The following LHFPL1 variants were observed in gnomAD, a reference collection of about 807,000 sequenced individuals.
LHFPL1 encodes the protein LHFPL tetraspan subfamily member 1, also known as LHFPL tetraspan subfamily member 1 protein.
Under a neutral mutation model 12.1 loss-of-function variants are expected in LHFPL1, and 4 were observed. That is an observed-to-expected ratio of 0.33 (90% CI 0.16 to 0.76). LHFPL1 has a LOEUF of 0.76. LHFPL1 is among the 30% of genes least tolerant of loss of function. The pLI is 0.61. For missense variants in LHFPL1, 141 were observed against 174.1 expected (o/e 0.81, Z 1.07); for synonymous variants, 52 against 61.9 (o/e 0.84, Z 0.75).
intron 3 of LHFPL1, among the ~76,000 whole-genome samples, chrX:112,635,423 A>T (rs1930310968): frequency 8.9e-6 from 1 of 112,273 alleles, no homozygotes; most frequent in South Asian, 3.7e-4. Flanking sequence ...ATGATTATCC[A>T]TTTCAACCAT....
intron 3 of LHFPL1, among the ~76,000 whole-genome samples, chrX:112,650,387 A>C (rs933483184): frequency 4.6e-4 from 51 of 111,151 alleles, no homozygotes; most frequent in Admixed American, 1.2e-3. Flanking sequence ...ATTGCTTGAA[A>C]GAACTATCTA....
At chrX:112,641,841 T>G (rs1930518696) in intron 3 of LHFPL1, among the ~76,000 whole-genome samples, 2 of 111,844 alleles carry the variant, frequency 1.8e-5, no homozygotes, top group South Asian at 7.6e-4. Context: ...GGGGAACCAC[T>G]GGATAGGACC....
intron 3 of LHFPL1, among the ~76,000 whole-genome samples, chrX:112,638,723 A>AAAACAAGTTCAGGAAATAAT (rs1020828119): frequency 5.6e-4 from 62 of 111,645 alleles, no homozygotes; most frequent in African/African-American, 1.9e-3. Flanking sequence ...TGAAAATAAT[A>AAAACAAGTTCAGGAAATAAT]AAACAAGTTC....
intron 3 of LHFPL1, among the ~76,000 whole-genome samples, chrX:112,650,024 A>C (rs758239277): frequency 6.4e-5 from 7 of 110,002 alleles, no homozygotes; most frequent in Non-Finnish European, 1.3e-4. Flanking sequence ...AGTGGGACCT[A>C]TTTGGGTGTC....
intron 3 of LHFPL1, among the ~76,000 whole-genome samples, chrX:112,659,353 G>A (rs979059153): frequency 1.6e-4 from 18 of 111,027 alleles, no homozygotes; most frequent in Non-Finnish European, 7.6e-5. Flanking sequence ...CCAGCCACTT[G>A]AGAGGCTGAG....
At chrX:112,651,968 C>T (rs1410450572) in intron 3 of LHFPL1, among the ~76,000 whole-genome samples, 1 of 113,037 alleles carries the variant, frequency 8.8e-6, no homozygotes, top group Non-Finnish European at 1.9e-5. Context: ...ACTCACTCTT[C>T]TGATTCAGCA....
At chrX:112,644,366 AT>A (rs1267652157) in intron 3 of LHFPL1, among the ~76,000 whole-genome samples, 1 of 111,197 alleles carries the variant, frequency 9.0e-6, no homozygotes, top group Non-Finnish European at 1.9e-5. Flanking sequence ...TTTATTGTAC[AT>A]TTTTAACATA....
At chrX:112,641,394 G>C (rs1930502716) in intron 3 of LHFPL1, among the ~76,000 whole-genome samples, 1 of 112,062 alleles carries the variant, frequency 8.9e-6, no homozygotes, top group African/African-American at 3.2e-5. Context: ...TCCCCACTTA[G>C]AGAAAATAGA....
chrX:112,642,536 G>A (rs1184023148), intron 3 of LHFPL1, among the ~76,000 whole-genome samples: 1 of 106,828 alleles, frequency 9.4e-6, no homozygotes, highest in African/African-American at 3.4e-5. Context: ...TACTGCCATC[G>A]TGTGGTCGTC....
At chrX:112,656,333 C>A (rs143198968) in intron 3 of LHFPL1, among the ~76,000 whole-genome samples, 193 of 111,101 alleles carry the variant, frequency 1.7e-3, no homozygotes, top group Non-Finnish European at 3.2e-3. Context: ...TGAACACAAT[C>A]AGCAAACTAA....
rs1353463087 is a variant in LHFPL1 at position 112,660,502 on chromosome X, C to A, written c.481+125G>T. ...TCTTGTGAGTTAAGCTACCACTTCCCATAAGCTAACACAGTGAGAGAGATT... is the reference window on the plus strand; with the variant it reads ...TCTTGTGAGTTAAGCTACCACTTCCAATAAGCTAACACAGTGAGAGAGATT... On this transcript the variant is annotated intron_variant, in intron 3 of 3. Coordinates refer to ENST00000371968, the MANE Select transcript of LHFPL1 (RefSeq NM_178175.4). 21 of 524,285 alleles carry A rather than the reference C, an allele frequency of 4.0e-5. No individual in the cohort carries two copies. The Admixed American group carries it at 5.8e-4, about 14-fold the overall frequency. The allele number at this position is 524,285 out of a possible 1,213,427, so 43.2% of individuals were successfully genotyped here.
At chrX:112,664,914 C>T (rs370568976) in intron 2 of LHFPL1, among the ~76,000 whole-genome samples, 26 of 111,795 alleles carry the variant, frequency 2.3e-4, no homozygotes, top group African/African-American at 7.8e-4. Flanking sequence ...ACCTCAGCCC[C>T]AGGTATTTGA....
intron 1 of LHFPL1, among the ~76,000 whole-genome samples, chrX:112,678,460 G>A (rs1295672061): frequency 2.7e-5 from 3 of 111,845 alleles, no homozygotes. Context: ...AAGATCCCTG[G>A]CAAGACATTG....
At chrX:112,632,239 C>T (rs1784357285) in intron 3 of LHFPL1, among the ~76,000 whole-genome samples, 1 of 111,405 alleles carries the variant, frequency 9.0e-6, no homozygotes, top group South Asian at 3.8e-4. Flanking sequence ...CCTTTCAACA[C>T]CCAGGAAAGC....
At chrX:112,667,069 G>C (rs1371170825) in intron 2 of LHFPL1, among the ~76,000 whole-genome samples, 1 of 111,669 alleles carries the variant, frequency 9.0e-6, no homozygotes, top group Admixed American at 9.5e-5. Flanking sequence ...TAAATAAAAT[G>C]ATATCTGGTA....
chrX:112,668,725 T>C (rs1422838761), intron 2 of LHFPL1, among the ~76,000 whole-genome samples: 2 of 112,796 alleles, frequency 1.8e-5, no homozygotes, highest in Non-Finnish European at 3.7e-5. Flanking sequence ...ACTACCTTCC[T>C]ACATCCCCTA....
chrX:112,646,802 G>C (rs1028800789), intron 3 of LHFPL1, among the ~76,000 whole-genome samples: 1 of 111,046 alleles, frequency 9.0e-6, no homozygotes, highest in African/African-American at 3.3e-5. Flanking sequence ...TGATGTTTCA[G>C]ACATTTGTTT....
intron 3 of LHFPL1, among the ~76,000 whole-genome samples, chrX:112,633,548 C>A (rs1930252660): frequency 8.9e-6 from 1 of 112,088 alleles, no homozygotes; most frequent in African/African-American, 3.2e-5. Flanking sequence ...CTTCCTAAGT[C>A]AACTTCCCTC....
rs756767129 is a variant in LHFPL1 at position 112,664,530 on chromosome X, T to C, written c.383-3805A>G. Among the ~76,000 whole-genome samples the C allele has an allele frequency of 1.4e-4, 16 of 111,786 alleles. No homozygotes were observed. The South Asian group carries it at 4.6e-3, about 32-fold the overall frequency. ...AATCTCTGCAAAGCATTTGTTCAGG[T>C]CTAGTGCATGTAGCTCCGTGCTCTG... On this transcript the variant is annotated intron_variant, in intron 2 of 3. Coordinates refer to ENST00000371968, the MANE Select transcript of LHFPL1 (RefSeq NM_178175.4).
Sources: allele counts gnomAD v4.1 joint callset (sites outside exome capture counted in the v4.1 genomes callset), GRCh38; gene constraint gnomAD v4.1.1; transcripts MANE v1.5; gene names NCBI Gene and HGNC (gene_info 2026-07-23, HGNC 2026-07-21).